NDST4: variants seen among roughly 807,000 people sequenced by gnomAD.
The protein encoded by NDST4 is N-heparan sulfate sulfotransferase 4.
A neutral mutation model predicts 100.8 loss-of-function variants in NDST4; 63 were observed. The observed-to-expected ratio is 0.62, with a 90% CI of 0.51 to 0.77. NDST4 has a LOEUF of 0.77. Among genes scored for constraint, NDST4 ranks in the 30% least tolerant of loss-of-function variants. The pLI, the probability that NDST4 is intolerant of heterozygous loss-of-function variation, is 0.00. For synonymous variants in NDST4, 377 were observed against 361.8 expected, an observed-to-expected ratio of 1.04 and a Z score of -0.48; for missense variants, 943 against 1,018.4, an observed-to-expected ratio of 0.93 and a Z score of 1.01.
At chr4:114,972,112 C>T (rs376299480) in intron 3 of NDST4, among the ~76,000 whole-genome samples, 41 of 152,026 alleles carry the variant, frequency 2.7e-4, no homozygotes, top group Middle Eastern at 3.4e-3. Context: ...ACTTTGCCTG[C>T]GTAGATTATA....
chr4:114,937,411 C>T lies in NDST4; in HGVS notation c.1314G>A (p.Lys438=). Residue 438 remains lysine, a synonymous_variant, in exon 5 of 14, where the codon AAG becomes AAA. Coordinates refer to ENST00000264363, the MANE Select transcript of NDST4 (RefSeq NM_022569.3). ...TGGTGACTTGAATACCCCAGACCTT[C>T]TTCCAAGCTGCATACAGCTGAATGT... ...PVHIQLYAAW[K]KVWGIQVTST... The T allele has an allele frequency of 6.2e-7, 1 of 1,613,968 alleles. No individual in the cohort carries two copies. The highest frequency in any genetic ancestry group is 8.5e-7 in the Non-Finnish European group (1 of 1,179,902).
chr4:115,078,567 T>C (rs1729237994), intron 1 of NDST4, among the ~76,000 whole-genome samples: 5 of 152,090 alleles, frequency 3.3e-5, no homozygotes, highest in Admixed American at 1.3e-4. Context: ...ATTTAGGGTA[T>C]CTGGTGGAAG....
At chr4:114,891,673 G>T (rs1390413574) in intron 6 of NDST4, among the ~76,000 whole-genome samples, 1 of 151,912 alleles carries the variant, frequency 6.6e-6, no homozygotes, top group African/African-American at 2.4e-5. Context: ...CTTTGTTCTA[G>T]AACTTCATTC....
intron 2 of NDST4, among the ~76,000 whole-genome samples, chr4:115,054,697 C>A (rs1250654998): frequency 6.6e-6 from 1 of 152,136 alleles, no homozygotes; most frequent in Non-Finnish European, 1.5e-5. Context: ...CAGAGGAAAA[C>A]CAATGGCAGT....
At position 114,865,572 on chromosome 4, in the gene NDST4, C is replaced by CA. The variant is rs1486419598; in HGVS notation, c.1719+5195dup. 3.3e-5 allele frequency among the ~76,000 whole-genome samples: 5 copies of CA among 152,232 alleles called. No individual in the cohort carries two copies. The East Asian group carries it at 7.7e-4, about 23-fold the overall frequency. ...ATCAAATGTTTCTGTAAGGCACAAA[C>CA]AAAAAATTCAGTTTCCTTTTTCATT... On this transcript the variant is annotated intron_variant, in intron 7 of 13. Transcript: ENST00000264363.
intron 2 of NDST4, among the ~76,000 whole-genome samples, chr4:115,041,292 G>A: frequency 6.6e-6 from 1 of 151,956 alleles, no homozygotes; most frequent in East Asian, 1.9e-4. Flanking sequence ...AAAATACAGA[G>A]CATGTTAAAG....
intron 6 of NDST4, among the ~76,000 whole-genome samples, chr4:114,880,338 A>T (rs527338542): frequency 3.3e-5 from 5 of 152,294 alleles, no homozygotes; most frequent in Admixed American, 3.3e-4. Flanking sequence ...CCAATTTTAC[A>T]TGATGGGAGA....
chr4:115,075,183 C>G (rs994681194), intron 2 of NDST4, among the ~76,000 whole-genome samples: 2 of 152,120 alleles, frequency 1.3e-5, no homozygotes, highest in Non-Finnish European at 2.9e-5. Flanking sequence ...TGAAAGCTAC[C>G]TGAGGCTAAT....
chr4:114,996,717 C>G (rs1428385743), intron 2 of NDST4, among the ~76,000 whole-genome samples: 1 of 152,012 alleles, frequency 6.6e-6, no homozygotes, highest in Non-Finnish European at 1.5e-5. Context: ...TTAAAGAAGA[C>G]CGATACTAAA....
At chr4:114,872,846 A>G (rs1168328225) in intron 6 of NDST4, among the ~76,000 whole-genome samples, 14 of 152,096 alleles carry the variant, frequency 9.2e-5, no homozygotes, top group African/African-American at 1.9e-4. Flanking sequence ...CAGATTCCCA[A>G]TTCTGACATA....
intron 2 of NDST4, among the ~76,000 whole-genome samples, chr4:115,027,457 G>A (rs1307236357): frequency 6.6e-6 from 1 of 152,072 alleles, no homozygotes; most frequent in Non-Finnish European, 1.5e-5. Context: ...GTATATTTGA[G>A]GTGATAAAGA....
intron 2 of NDST4, among the ~76,000 whole-genome samples, chr4:115,004,815 T>G: frequency 6.6e-6 from 1 of 152,156 alleles, no homozygotes; most frequent in East Asian, 1.9e-4. Flanking sequence ...TTTCCTAAAT[T>G]TTTAATAGGA....
chr4:114,983,152 G>A (rs944405877), intron 2 of NDST4, among the ~76,000 whole-genome samples: 3 of 152,226 alleles, frequency 2.0e-5, no homozygotes, highest in African/African-American at 7.2e-5. Context: ...AGTGCAGAGG[G>A]GAAATGTGGG....
chr4:114,935,137 A>T (rs1725599607), intron 6 of NDST4, 69 bp downstream of exon 6: 1 of 1,232,722 alleles, frequency 8.1e-7, no homozygotes, highest in Non-Finnish European at 1.1e-6. Context: ...ATTTAGTTTA[A>T]AAGACAGGAA....
At chr4:114,885,571 C>G (rs1293578284) in intron 6 of NDST4, among the ~76,000 whole-genome samples, 1 of 151,986 alleles carries the variant, frequency 6.6e-6, no homozygotes, top group African/African-American at 2.4e-5. Context: ...GTTTCTGTGC[C>G]TTAATTTGGT....
intron 5 of NDST4, among the ~76,000 whole-genome samples, chr4:114,937,071 T>C (rs1725645071): frequency 6.6e-6 from 1 of 152,238 alleles, no homozygotes; most frequent in African/African-American, 2.4e-5. Flanking sequence ...GTGGATAATC[T>C]ATACATAACT....
In NDST4 at chr4:115,018,969, C is replaced by T. The variant is rs117946044; in HGVS notation, c.979-41695G>A. ...GCTAATTTTTATAGGTAATAATTATCTTGGAGACAACATTCCTTCCACTAC... is the reference window on the plus strand; with the variant it reads ...GCTAATTTTTATAGGTAATAATTATTTTGGAGACAACATTCCTTCCACTAC... On this transcript the variant is annotated intron_variant, in intron 2 of 13. Transcript: ENST00000264363. Among the ~76,000 whole-genome samples, 330 of 151,990 alleles carry T rather than the reference C, an allele frequency of 2.2e-3. 7 individuals carry two copies. In the East Asian group the frequency reaches 0.058, roughly 27 times the overall value.
chr4:115,042,891 C>T (rs939198345), intron 2 of NDST4, among the ~76,000 whole-genome samples: 2 of 151,894 alleles, frequency 1.3e-5, no homozygotes, highest in African/African-American at 4.8e-5. Context: ...AAGAAACATC[C>T]TAGTGTTTCA....
chr4:115,003,572 A>G (rs1441945752), intron 2 of NDST4, among the ~76,000 whole-genome samples: 4 of 152,080 alleles, frequency 2.6e-5, no homozygotes, highest in Non-Finnish European at 5.9e-5. Context: ...TTCTTTTTTA[A>G]AAAAAGGGGT....
Sources: allele counts gnomAD v4.1 joint callset (sites outside exome capture counted in the v4.1 genomes callset), GRCh38; gene constraint gnomAD v4.1.1; transcripts MANE v1.5; gene names NCBI Gene and HGNC (gene_info 2026-07-23, HGNC 2026-07-21).